The following FETUB variants were observed in gnomAD, a reference collection of about 807,000 sequenced individuals.
The protein encoded by FETUB is fetuin-B.
A neutral mutation model predicts 30.9 loss-of-function variants in FETUB; 28 were observed. The ratio of observed to expected loss-of-function variants is 0.90; its 90% CI spans 0.67 to 1.24. The LOEUF (loss-of-function observed/expected upper bound fraction) is 1.24, where lower values mean the gene tolerates loss of function less well. Among genes scored for constraint, FETUB ranks in the 50% most tolerant of loss-of-function variants. The pLI is 0.00. For missense variants in FETUB, 469 were observed against 455.3 expected, an observed-to-expected ratio of 1.03 and a Z score of -0.27; for synonymous variants, 186 against 175.9, an observed-to-expected ratio of 1.06 and a Z score of -0.45.
At chr3:186,646,185 C>A in intron 4 of FETUB, 63 bp from the exon 5 acceptor site, 1 of 1,202,008 alleles carries the variant, frequency 8.3e-7, no homozygotes, top group Non-Finnish European at 1.2e-6. Context: ...CGCTGCCAAA[C>A]CTGAGTCTTT....
intron 5 of FETUB, among the ~76,000 whole-genome samples, chr3:186,649,140 G>T (rs899248902): frequency 1.3e-5 from 2 of 152,194 alleles, no homozygotes; most frequent in Non-Finnish European, 2.9e-5. Flanking sequence ...AGTACCTGCA[G>T]TTTCTCCAGA....
Position 186,646,316 on chromosome 3 carries a change from C to G in FETUB, c.663C>G (p.Ala221=). Reference sequence around the variant, plus strand: ...AATCACCATGTACTAAATCCCAGGCCAGCAGCTGTTCACTTCAGTCCTCCG... The same window carrying G: ...AATCACCATGTACTAAATCCCAGGCGAGCAGCTGTTCACTTCAGTCCTCCG... The part of the protein sequence containing the change: ...IKESPCTKSQ[A]SSCSLQSSDS... The change falls in exon 5 of 7, where the codon GCC becomes GCG. Residue 221 remains alanine, a synonymous_variant. Coordinates refer to ENST00000265029, the MANE Select transcript of FETUB (RefSeq NM_014375.3). 6.2e-7 allele frequency: 1 copy of G among 1,613,986 alleles called. No individual in the cohort carries two copies. The highest frequency in any genetic ancestry group is 1.3e-5 in the African/African-American group (1 of 75,032).
At chr3:186,649,468 T>C (rs1225338018) in intron 5 of FETUB, among the ~76,000 whole-genome samples, 1 of 152,156 alleles carries the variant, frequency 6.6e-6, no homozygotes, top group Non-Finnish European at 1.5e-5. Flanking sequence ...TTTTTGTTTT[T>C]TGTTTTTTTT....
In FETUB at chr3:186,641,186, A is replaced by G. The variant is rs1301840100; in HGVS notation, c.336+46A>G. 6 of 1,136,968 alleles carry G rather than the reference A, an allele frequency of 5.3e-6. No individual in the cohort carries two copies. The Admixed American group carries it at 1.1e-4, about 21-fold the overall frequency. The allele number at this position is 1,136,968 out of a possible 1,614,324, so 70.4% of individuals were successfully genotyped here. A position where few individuals can be genotyped will look rare whatever the true frequency, so the allele number is the denominator to read the frequency against. ...ACCATTAAGGGCCCTAGGGAAAGCA[A>G]GTAGGTACACTCTTTCTACAGGGTC... is the stretch of plus-strand genomic sequence containing the variant. On this transcript the variant is annotated intron_variant, in intron 2 of 6. Transcript: ENST00000265029.
chr3:186,646,658 G>T (rs371937802), intron 5 of FETUB, among the ~76,000 whole-genome samples: 1 of 152,166 alleles, frequency 6.6e-6, no homozygotes, highest in African/African-American at 2.4e-5. Context: ...CCATTCCTTG[G>T]ACCACTCTTT....
At position 186,640,716 on chromosome 3, in the gene FETUB, G is replaced by A. The variant is rs374897794; in HGVS notation, c.225+31G>A. 28 of 1,572,102 alleles carry A rather than the reference G, an allele frequency of 1.8e-5. No individual in the cohort carries two copies. In the African/African-American group the frequency reaches 3.2e-4, roughly 18 times the overall value. ...TAGGGACAGTTCCCACTCTGGGGCA[G>A]GGATGTGGGCAAGCTGGAGAGACTG... is the stretch of plus-strand genomic sequence containing the variant. On this transcript the variant is annotated intron_variant, in intron 1 of 6. Transcript: ENST00000265029.
chr3:186,648,513 T>C (rs1560026023), intron 5 of FETUB, among the ~76,000 whole-genome samples: 2 of 152,226 alleles, frequency 1.3e-5, no homozygotes, highest in Admixed American at 6.5e-5. Flanking sequence ...GACCAGTTTG[T>C]CAATTTCTAT....
chr3:186,649,835 C>T (rs1717855403), intron 5 of FETUB, among the ~76,000 whole-genome samples: 1 of 152,230 alleles, frequency 6.6e-6, no homozygotes, highest in African/African-American at 2.4e-5. Context: ...TGTTACTCCA[C>T]TTTGTGTCCA....
intron 5 of FETUB, among the ~76,000 whole-genome samples, chr3:186,647,516 T>G (rs545624820): frequency 3.3e-5 from 5 of 152,242 alleles, no homozygotes; most frequent in Non-Finnish European, 7.3e-5. Context: ...GATCTTTCTT[T>G]TGGTTATAGC....
intron 6 of FETUB, 60 bp downstream of exon 6, chr3:186,651,361 C>T: frequency 9.4e-7 from 1 of 1,068,218 alleles, no homozygotes; most frequent in East Asian, 2.4e-5. Context: ...CGATAGTTAC[C>T]TGCCACTACC....
chr3:186,648,273 A>G (rs923830484), intron 5 of FETUB, among the ~76,000 whole-genome samples: 3 of 152,222 alleles, frequency 2.0e-5, no homozygotes, highest in Non-Finnish European at 4.4e-5. Context: ...TTGCCTTGGC[A>G]TACTTCTTGA....
At chr3:186,650,971 A>G (rs1185185300) in intron 5 of FETUB, among the ~76,000 whole-genome samples, 1 of 152,180 alleles carries the variant, frequency 6.6e-6, no homozygotes, top group Non-Finnish European at 1.5e-5. Context: ...AACACAAAGA[A>G]TTTTTTTAAC....
At chr3:186,646,638 GCATGGTGTTC>G (rs1717570494) in intron 5 of FETUB, among the ~76,000 whole-genome samples, 1 of 152,142 alleles carries the variant, frequency 6.6e-6, no homozygotes, top group Non-Finnish European at 1.5e-5. Flanking sequence ...TTGTAATATA[GCATGGTGTTC>G]CATTCCTTGG....
chr3:186,646,166 T>C (rs767003561), intron 4 of FETUB, 82 bp from the exon 5 acceptor site: 37 of 907,808 alleles, frequency 4.1e-5, no homozygotes, highest in Non-Finnish European at 6.5e-5. Context: ...ATTGTTTCTG[T>C]AGATATAACG....
rs7999 is a variant in FETUB, at chr3:186,652,561, A to G, written c.1079A>G (p.Lys360Arg). 78,775 of 1,613,754 alleles carry G rather than the reference A, an allele frequency of 0.049. 2,236 individuals are homozygous for G. Among genetic ancestry groups the G allele is most frequent in the African/African-American group, 0.098 (7,311 of 74,974 alleles). ...EEKLVVLPFP[K>R]EKARTAECPG... ...AAGCTGGTGGTCCTGCCTTTCCCCA[A>G]AGAAAAAGCACGCACTGCTGAGTGC... The change falls in exon 7 of 7, where the codon AAA becomes AGA. Residue 360 changes from lysine to arginine, a missense_variant. By Grantham distance (26) the Lys-to-Arg change is conservative. Coordinates refer to ENST00000265029, the MANE Select transcript of FETUB (RefSeq NM_014375.3).
upstream of FETUB, chr3:186,636,004 G>A (rs571521972): frequency 1.3e-5 from 2 of 152,352 alleles, no homozygotes; most frequent in African/African-American, 4.8e-5. Flanking sequence ...AGAGCCACTA[G>A]GAGAGGCATC....
chr3:186,643,153 G>A (rs1458374875), intron 3 of FETUB, among the ~76,000 whole-genome samples: 1 of 152,168 alleles, frequency 6.6e-6, no homozygotes, highest in Non-Finnish European at 1.5e-5. Flanking sequence ...GCACTGCCTT[G>A]ATTTGAGGGT....
intron 5 of FETUB, among the ~76,000 whole-genome samples, chr3:186,649,301 C>G (rs1453243358): frequency 6.6e-6 from 1 of 152,102 alleles, no homozygotes; most frequent in East Asian, 1.9e-4. Flanking sequence ...AGCTGAGTGA[C>G]AAAGTAATAT....
Position 186,640,431 on chromosome 3 carries a change from T to C in FETUB, c.-30T>C, listed in dbSNP as rs1279530589. On this transcript the variant is annotated 5_prime_UTR_variant, in exon 1 of 7. Coordinates refer to ENST00000265029, the MANE Select transcript of FETUB (RefSeq NM_014375.3). ...AGCCAGTCCCTGCAGCTCCACAAAC[T>C]GACCCATCCTGGGCCTTGTTCTCCA... 1.3e-6 allele frequency: 2 copies of C among 1,570,220 alleles called. No individual in the cohort carries two copies. Among genetic ancestry groups the C allele is most frequent in the South Asian group, 2.2e-5 (2 of 90,220 alleles).
Sources: allele counts gnomAD v4.1 joint callset (sites outside exome capture counted in the v4.1 genomes callset), GRCh38; gene constraint gnomAD v4.1.1; transcripts MANE v1.5; gene names NCBI Gene and HGNC (gene_info 2026-07-23, HGNC 2026-07-21).